The following PDE1C variants were observed in gnomAD, a reference collection of about 807,000 sequenced individuals.
PDE1C encodes the protein phosphodiesterase 1C.
A neutral mutation model predicts 93.1 loss-of-function variants in PDE1C; 62 were observed. The ratio of observed to expected loss-of-function variants is 0.67; its 90% CI spans 0.54 to 0.82. The LOEUF is 0.82. Ranked by LOEUF, PDE1C falls within the 40% of genes least tolerant of loss-of-function variation. The pLI is 0.00. For missense variants in PDE1C, 742 were observed against 884.6 expected, an observed-to-expected ratio of 0.84 and a Z score of 2.04; for synonymous variants, 325 against 310.1, an observed-to-expected ratio of 1.05 and a Z score of -0.50.
In PDE1C at chr7:31,997,534, G is replaced by C. The variant is rs187366826; in HGVS notation, c.128+54020C>G. ...GGCAACAATAGAGCTTGGAGAACCT[G>C]GGGGGATGGTAGCTGGCCTGTCTCT... On this transcript the variant is annotated intron_variant, in intron 2 of 17. Coordinates refer to ENST00000396191, the MANE Select transcript of PDE1C (RefSeq NM_001191057.4). 3.8e-3 allele frequency among the ~76,000 whole-genome samples: 583 copies of C among 152,312 alleles called. 2 individuals carry two copies. Among genetic ancestry groups the C allele is most frequent in the Non-Finnish European group, 6.9e-3 (467 of 68,022 alleles).
intron 16 of PDE1C, among the ~76,000 whole-genome samples, chr7:31,802,388 A>G (rs1786170207): frequency 6.6e-6 from 1 of 151,590 alleles, no homozygotes; most frequent in Admixed American, 6.6e-5. Context: ...GTAGTCATAT[A>G]TTTCATTTTT....
chr7:32,228,066 C>T (rs551922407), intron 1 of PDE1C, among the ~76,000 whole-genome samples: 1 of 152,374 alleles, frequency 6.6e-6, no homozygotes, highest in East Asian at 1.9e-4. Flanking sequence ...CTCCCAGATT[C>T]CTGCCTCACA....
At chr7:32,319,892 T>G (rs1246880365) in intron 1 of PDE1C, among the ~76,000 whole-genome samples, 2 of 152,206 alleles carry the variant, frequency 1.3e-5, no homozygotes, top group African/African-American at 4.8e-5. Context: ...TTTTGTATAG[T>G]TTTTATGCCC....
At chr7:32,009,810 T>C (rs1159159053) in intron 2 of PDE1C, among the ~76,000 whole-genome samples, 1 of 152,192 alleles carries the variant, frequency 6.6e-6, no homozygotes, top group Non-Finnish European at 1.5e-5. Flanking sequence ...CAAAAAGCTA[T>C]TAGAACTGAT....
chr7:31,879,271 T>C (rs1400759930), intron 3 of PDE1C, 93 bp from the exon 4 acceptor site: 22 of 1,226,294 alleles, frequency 1.8e-5, no homozygotes, highest in Non-Finnish European at 2.5e-5. Flanking sequence ...CTCACCTGCA[T>C]GTTAGGTGCA....
intron 1 of PDE1C, among the ~76,000 whole-genome samples, chr7:32,392,891 A>C (rs7795143): frequency 6.6e-6 from 1 of 150,802 alleles, no homozygotes; most frequent in East Asian, 1.9e-4. Context: ...TCTACTAAAA[A>C]TACAAAAATT....
intron 1 of PDE1C, among the ~76,000 whole-genome samples, chr7:32,220,551 C>T (rs1806772762): frequency 6.6e-6 from 1 of 152,166 alleles, no homozygotes; most frequent in African/African-American, 2.4e-5. Context: ...CATGGTGGCT[C>T]ACGCCTGTGA....
At chr7:31,842,220 T>G (rs1791995967) in intron 9 of PDE1C, among the ~76,000 whole-genome samples, 1 of 152,182 alleles carries the variant, frequency 6.6e-6, no homozygotes, top group South Asian at 2.1e-4. Context: ...TTACTGAGAA[T>G]TGTTATAGCT....
intron 1 of PDE1C, among the ~76,000 whole-genome samples, chr7:32,349,034 T>A (rs1232751262): frequency 1.3e-5 from 2 of 152,190 alleles, no homozygotes; most frequent in Non-Finnish European, 2.9e-5. Context: ...TGTCTAGCCA[T>A]CAAAGAACCA....
At chr7:32,070,243 T>C (rs368835039) in intron 1 of PDE1C, 50 bp downstream of exon 1, 5 of 1,611,404 alleles carry the variant, frequency 3.1e-6, no homozygotes, top group African/African-American at 2.7e-5. Context: ...TGTGGTAAAA[T>C]AAGGATGGGA....
chr7:32,035,447 T>C (rs981416412), intron 2 of PDE1C, among the ~76,000 whole-genome samples: 8 of 152,216 alleles, frequency 5.3e-5, no homozygotes, highest in Non-Finnish European at 8.8e-5. Flanking sequence ...ACTATTGAGC[T>C]GCTTTTCACG....
chr7:31,707,572 G>C, the PDE1C span: 1 of 333,286 alleles, frequency 3.0e-6, no homozygotes, highest in Non-Finnish European at 5.5e-6. Flanking sequence ...CTGGGGTTCG[G>C]TTTCTGCATC....
the PDE1C span, among the ~76,000 whole-genome samples, chr7:31,667,988 G>T: frequency 6.6e-6 from 1 of 152,074 alleles, no homozygotes; most frequent in Non-Finnish European, 1.5e-5. Flanking sequence ...TTCTTGTGAG[G>T]CTCTGATTAG....
chr7:31,960,031 A>AT (rs34144960), intron 2 of PDE1C, among the ~76,000 whole-genome samples: 97,082 of 148,816 alleles, frequency 0.65, 31,921 homozygotes, highest in Admixed American at 0.75. Context: ...ACGCACAGCT[A>AT]TTTTTTTTTT....
Position 32,068,737 on chromosome 7 carries a change from T to C in PDE1C, c.101+1556A>G, listed in dbSNP as rs981967970. Among the ~76,000 whole-genome samples, 5 of 152,318 alleles carry C rather than the reference T, an allele frequency of 3.3e-5. No individual in the cohort carries two copies. In the East Asian group the frequency reaches 9.6e-4, roughly 29 times the overall value. The stretch of plus-strand genomic sequence containing the variant: ...CTTGTCTCTAGCCCAAATGTCTCCA[T>C]GGAGTCGGTTTAAATTGAAAAGCAG... On this transcript the variant is annotated intron_variant, in intron 1 of 17. Transcript: ENST00000396191.
chr7:31,859,202 C>CTA (rs1213907677), intron 7 of PDE1C, among the ~76,000 whole-genome samples: 4 of 148,586 alleles, frequency 2.7e-5, no homozygotes, highest in East Asian at 2.0e-4. Flanking sequence ...TATATATAGA[C>CTA]TATATATATA....
chr7:32,001,692 T>TA (rs1029526568), intron 2 of PDE1C, among the ~76,000 whole-genome samples: 12 of 149,776 alleles, frequency 8.0e-5, no homozygotes, highest in South Asian at 4.2e-4. Flanking sequence ...TGTAAAAAAG[T>TA]AAAAAAAAAA....
At chr7:32,114,287 G>A (rs1798859776) in intron 3 of PDE1C, among the ~76,000 whole-genome samples, 1 of 152,050 alleles carries the variant, frequency 6.6e-6, no homozygotes, top group African/African-American at 2.4e-5. Flanking sequence ...TATACCAACG[G>A]AACAGAACAG....
intron 3 of PDE1C, among the ~76,000 whole-genome samples, chr7:32,139,300 C>CTTTTT (rs34277412): frequency 0.025 from 2,054 of 82,990 alleles, 66 homozygotes; most frequent in Non-Finnish European, 0.034. Context: ...CAAAATCAAC[C>CTTTTT]TTTTTTTTTT....
Sources: allele counts gnomAD v4.1 joint callset (sites outside exome capture counted in the v4.1 genomes callset), GRCh38; gene constraint gnomAD v4.1.1; transcripts MANE v1.5; gene names NCBI Gene and HGNC (gene_info 2026-07-23, HGNC 2026-07-21).